The following ALK variants were observed in gnomAD, a reference collection of about 807,000 sequenced individuals.
The protein encoded by ALK is ALK tyrosine kinase receptor.
A neutral mutation model predicts 163.1 loss-of-function variants in ALK; 74 were observed. The ratio of observed to expected loss-of-function variants is 0.45; its 90% CI spans 0.38 to 0.55. ALK has a LOEUF of 0.55. ALK is among the 20% of genes least tolerant of loss of function. ALK has a pLI of 0.00. For missense variants in ALK, 2,063 were observed against 2,105.3 expected (o/e 0.98, Z 0.39); for synonymous variants, 960 against 843.2 (o/e 1.14, Z -2.40).
intron 4 of ALK, among the ~76,000 whole-genome samples, chr2:29,391,313 G>GGT (rs1553310363): frequency 3.1e-4 from 46 of 147,786 alleles, no homozygotes; most frequent in African/African-American, 1.0e-3. Context: ...TTTGGGGGGG[G>GGT]GGTGGTGGTG....
At chr2:29,572,975 T>A (rs1674422047) in intron 3 of ALK, among the ~76,000 whole-genome samples, 1 of 152,216 alleles carries the variant, frequency 6.6e-6, no homozygotes, top group South Asian at 2.1e-4. Context: ...ACTGTCCTCC[T>A]CAGGCCCTGG....
At chr2:29,700,202 A>G (rs1678691191) in intron 2 of ALK, among the ~76,000 whole-genome samples, 1 of 152,180 alleles carries the variant, frequency 6.6e-6, no homozygotes, top group Admixed American at 6.5e-5. Flanking sequence ...AGAAGGGTGA[A>G]TGTACATCAC....
At chr2:29,719,976 A>C (rs1445578342) in intron 1 of ALK, among the ~76,000 whole-genome samples, 2 of 152,024 alleles carry the variant, frequency 1.3e-5, no homozygotes, top group African/African-American at 4.8e-5. Flanking sequence ...GCTAATCTCA[A>C]ATTTTAAGTA....
intron 5 of ALK, among the ~76,000 whole-genome samples, chr2:29,332,957 C>T (rs1000078130): frequency 6.6e-6 from 1 of 152,172 alleles, no homozygotes; most frequent in Non-Finnish European, 1.5e-5. Context: ...GAAGTTAATC[C>T]AATTTACACT....
At chr2:29,277,795 T>C (rs1573185963) in intron 9 of ALK, among the ~76,000 whole-genome samples, 1 of 152,220 alleles carries the variant, frequency 6.6e-6, no homozygotes, top group Non-Finnish European at 1.5e-5. Context: ...ACAAGGACCC[T>C]CAGCCCCTGC....
chr2:29,437,432 C>A (rs1670430675), intron 4 of ALK, among the ~76,000 whole-genome samples: 1 of 152,134 alleles, frequency 6.6e-6, no homozygotes. Context: ...ATACCAAGTT[C>A]AGACAAGGCT....
At chr2:29,642,891 T>C (rs6751754) in intron 3 of ALK, among the ~76,000 whole-genome samples, 119,329 of 152,158 alleles carry the variant, frequency 0.78, 47,307 homozygotes, top group African/African-American at 0.9. Flanking sequence ...TTTAGTCATT[T>C]ATTCCACCAA....
chr2:29,215,624 G>T (rs1669583281), intron 23 of ALK, among the ~76,000 whole-genome samples: 1 of 152,220 alleles, frequency 6.6e-6, no homozygotes, highest in African/African-American at 2.4e-5. Flanking sequence ...AAGGATCTGG[G>T]TTGGGAGAGG....
chr2:29,448,203 A>T (rs1365549018), intron 4 of ALK, among the ~76,000 whole-genome samples: 1 of 152,218 alleles, frequency 6.6e-6, no homozygotes, highest in Non-Finnish European at 1.5e-5. Flanking sequence ...GAAGTCTCAG[A>T]GCCTGCTTGT....
intron 3 of ALK, among the ~76,000 whole-genome samples, chr2:29,537,209 T>TA (rs957023080): frequency 2.6e-5 from 4 of 151,672 alleles, no homozygotes; most frequent in Admixed American, 2.0e-4. Context: ...TCCAAGACAA[T>TA]AAAAAAAAGA....
chr2:29,771,533 T>C (rs1681023248), intron 1 of ALK, among the ~76,000 whole-genome samples: 1 of 150,730 alleles, frequency 6.6e-6, no homozygotes, highest in Non-Finnish European at 1.5e-5. Flanking sequence ...GGAATTCTTC[T>C]CTTTTTTTTT....
intron 6 of ALK, among the ~76,000 whole-genome samples, 188 bp from the exon 7 acceptor site, chr2:29,321,070 C>T (rs999630507): frequency 5.3e-5 from 8 of 152,280 alleles, no homozygotes; most frequent in South Asian, 4.1e-4. Context: ...AACTGATGCC[C>T]GTGCTGGTTT....
intron 3 of ALK, among the ~76,000 whole-genome samples, chr2:29,615,468 G>A (rs774238239): frequency 6.6e-6 from 1 of 152,176 alleles, no homozygotes; most frequent in Non-Finnish European, 1.5e-5. Context: ...ATAATGCCTA[G>A]CTCATTGGCT....
At chr2:29,552,516 T>C (rs1673739305) in intron 3 of ALK, among the ~76,000 whole-genome samples, 1 of 152,184 alleles carries the variant, frequency 6.6e-6, no homozygotes, top group Non-Finnish European at 1.5e-5. Context: ...CCAATATTTG[T>C]TGTATTACTT....
chr2:29,361,612 C>G (rs1668390166), intron 5 of ALK, among the ~76,000 whole-genome samples: 1 of 152,196 alleles, frequency 6.6e-6, no homozygotes, highest in Admixed American at 6.5e-5. Flanking sequence ...CTTAATCTCT[C>G]TGGTGCTAGG....
At chr2:29,812,786 C>T (rs533933118) in intron 1 of ALK, among the ~76,000 whole-genome samples, 1 of 152,314 alleles carries the variant, frequency 6.6e-6, no homozygotes, top group East Asian at 1.9e-4. Flanking sequence ...ACATTTCCCA[C>T]CTGGGCTTCA....
chr2:29,298,163 G>C (rs1666254621), intron 8 of ALK, among the ~76,000 whole-genome samples: 1 of 152,162 alleles, frequency 6.6e-6, no homozygotes, highest in African/African-American at 2.4e-5. Context: ...GGTCACACCA[G>C]GGCATTGGGG....
At chr2:29,706,415 G>GGA (rs373777414) in intron 2 of ALK, among the ~76,000 whole-genome samples, 180 of 152,210 alleles carry the variant, frequency 1.2e-3, no homozygotes, top group Middle Eastern at 6.8e-3. Context: ...TATCCAACCT[G>GGA]GCCCCTACCC....
At chr2:29,733,674 A>T (rs192020621) in intron 1 of ALK, among the ~76,000 whole-genome samples, 2 of 152,346 alleles carry the variant, frequency 1.3e-5, no homozygotes, top group African/African-American at 4.8e-5. Context: ...AGAAAATAAA[A>T]TGCTGGGCAA....
Sources: gnomAD v4.1 joint callset for allele counts (sites outside exome capture counted in the v4.1 genomes callset) on GRCh38, gnomAD v4.1.1 for gene constraint, MANE v1.5 for transcripts, NCBI Gene and HGNC (gene_info 2026-07-23, HGNC 2026-07-21) for gene names.